ITM2C: variants seen among roughly 807,000 people sequenced by gnomAD.
ITM2C encodes the protein integral membrane protein 2C.
Under a neutral mutation model 30.0 loss-of-function variants are expected in ITM2C, and 20 were observed. The ratio of observed to expected loss-of-function variants is 0.67; its 90% CI spans 0.47 to 0.97. The LOEUF is 0.97. ITM2C is among the 50% of genes least tolerant of loss of function. The probability of loss-of-function intolerance (pLI) is 0.00; values close to 1 mark genes in which losing one functional copy is unlikely to be tolerated. For synonymous variants in ITM2C, 167 were observed against 156.4 expected, an observed-to-expected ratio of 1.07 and a Z score of -0.51; for missense variants, 366 against 371.9, an observed-to-expected ratio of 0.98 and a Z score of 0.13.
Position 230,876,892 on chromosome 2 carries a change from G to T in ITM2C, c.486G>T (p.Lys162Asn). The T allele has an allele frequency of 1.2e-6, 2 of 1,614,052 alleles. No individual in the cohort carries two copies. The highest frequency in any genetic ancestry group is 8.5e-7 in the Non-Finnish European group (1 of 1,179,934). Reference protein sequence around the residue: ...LTAYHDISLDKCYVIELNTTI... With the variant: ...LTAYHDISLDNCYVIELNTTI... ...CGTACCATGATATCTCCCTGGACAA[G>T]TGCTATGTCATCGAACTCAACACCA... Residue 162 changes from lysine to asparagine, a missense_variant, in exon 4 of 6, where the codon AAG becomes AAT. By Grantham distance (94) the Lys-to-Asn change is moderately conservative. Coordinates refer to ENST00000326427, the MANE Select transcript of ITM2C (RefSeq NM_030926.6).
intron 1 of ITM2C, among the ~76,000 whole-genome samples, chr2:230,867,997 T>TCGGTGAACAGATGATTGTG (rs6147222): frequency 6.6e-6 from 1 of 151,110 alleles, no homozygotes; most frequent in African/African-American, 2.4e-5. Flanking sequence ...GGAGGAGCAC[T>TCGGTGAACAGATGATTGTG]CGGTGAACAG....
In ITM2C at chr2:230,877,876, CA is replaced by C; in HGVS notation, c.713-131del. ...CAGCTTTCGAGCTCTCCCCATTTCT[CA>C]CTGTGCTCTTTGGGTGAATCTGGGT... On this transcript the variant is annotated intron_variant, in intron 5 of 5. Coordinates refer to ENST00000326427, the MANE Select transcript of ITM2C (RefSeq NM_030926.6). This position sits in a 1 kb window ranked among gnomAD's most constrained non-coding sequence, Gnocchi z 4.8. 1.4e-6 allele frequency: 1 copy of C among 730,916 alleles called. No homozygotes were observed. The highest frequency in any genetic ancestry group is 2.3e-6 in the Non-Finnish European group (1 of 436,538). 45.3% of individuals were successfully genotyped at this position (730,916 alleles called of 1,614,324 possible).
chr2:230,874,436 A>G (rs1165760397), intron 2 of ITM2C, among the ~76,000 whole-genome samples: 2 of 151,882 alleles, frequency 1.3e-5, no homozygotes, highest in Non-Finnish European at 2.9e-5. Flanking sequence ...ACCTTCCCAC[A>G]GGCCTCTTCC....
At chr2:230,874,799 GA>G (rs1697250222) in intron 2 of ITM2C, among the ~76,000 whole-genome samples, 1 of 152,242 alleles carries the variant, frequency 6.6e-6, no homozygotes, top group African/African-American at 2.4e-5. Context: ...GCCCCCTCCA[GA>G]AGTAAGAGTG....
intron 1 of ITM2C, among the ~76,000 whole-genome samples, chr2:230,866,123 G>T (rs933337409): frequency 6.6e-6 from 1 of 152,238 alleles, no homozygotes; most frequent in Non-Finnish European, 1.5e-5. Flanking sequence ...GACAGGGAGG[G>T]AGGGAGAGCT....
rs555929542 is a variant in ITM2C, at chr2:230,868,180, C to T, written c.120+3035C>T. Among the ~76,000 whole-genome samples, 116 of 151,826 alleles carry T rather than the reference C, an allele frequency of 7.6e-4. 1 individual carries two copies. The highest frequency in any genetic ancestry group is 2.8e-3 in the African/African-American group (114 of 41,392). On this transcript the variant is annotated intron_variant, in intron 1 of 5. Coordinates refer to ENST00000326427, the MANE Select transcript of ITM2C (RefSeq NM_030926.6). ...CACAAGGAGGATTTTGTCTGTGGACCTGAGACTGGAAGGAAGTGCCTCAGT... is the reference window on the plus strand; with the variant it reads ...CACAAGGAGGATTTTGTCTGTGGACTTGAGACTGGAAGGAAGTGCCTCAGT...
rs756677051 is a variant in ITM2C at position 230,877,358 on chromosome 2, C to T, written c.562-42C>T. On this transcript the variant is annotated intron_variant, in intron 4 of 5. Transcript: ENST00000326427. The surrounding 1 kb of genome is among the most constrained non-coding windows in gnomAD (Gnocchi z 4.8). ...TTTCGGGCGAGGGGTTGGACGAAAGCCTGAGGGGCCGACTCACTGTGGCGG... is the reference window on the plus strand; with the variant it reads ...TTTCGGGCGAGGGGTTGGACGAAAGTCTGAGGGGCCGACTCACTGTGGCGG... 6.2e-7 allele frequency: 1 copy of T among 1,605,810 alleles called. No homozygotes were observed. The highest frequency in any genetic ancestry group is 1.1e-5 in the South Asian group (1 of 90,456).
Position 230,878,189 on chromosome 2 carries a change from T to C in ITM2C, c.*90T>C. 1.1e-6 allele frequency: 1 copy of C among 903,292 alleles called. No homozygotes were observed. The highest frequency in any genetic ancestry group is 2.9e-5 in the Admixed American group (1 of 34,610). 56.0% of individuals were successfully genotyped at this position (903,292 alleles called of 1,614,324 possible). A position where few individuals can be genotyped will look rare whatever the true frequency, so the allele number is the denominator to read the frequency against. On this transcript the variant is annotated 3_prime_UTR_variant, in exon 6 of 6. Coordinates refer to ENST00000326427, the MANE Select transcript of ITM2C (RefSeq NM_030926.6). This position sits in a 1 kb window ranked among gnomAD's most constrained non-coding sequence, Gnocchi z 4.5. The stretch of plus-strand genomic sequence containing the variant: ...CTCCTCCTTCCCCCTGCTTAGCTTG[T>C]ACTTTGGACGCGTTTCTATAGAGGT...
intron 1 of ITM2C, among the ~76,000 whole-genome samples, chr2:230,869,422 GCT>G (rs1181376409): frequency 1.3e-5 from 2 of 152,162 alleles, no homozygotes; most frequent in Admixed American, 1.3e-4. Flanking sequence ...CCCCAGCTAG[GCT>G]CTGTCTTGAA....
In ITM2C at chr2:230,877,524, G is replaced by A. The variant is rs746662999; in HGVS notation, c.686G>A (p.Arg229Gln). The A allele has an allele frequency of 5.5e-5, 88 of 1,613,704 alleles. No individual in the cohort carries two copies. The highest frequency in any genetic ancestry group is 6.7e-5 in the Non-Finnish European group (79 of 1,180,020). Residue 229 changes from arginine to glutamine, a missense_variant, in exon 5 of 6, where the codon CGG (arginine) becomes CAG (glutamine). Physicochemically the swap from Arg to Gln is conservative, Grantham distance 43. Coordinates refer to ENST00000326427, the MANE Select transcript of ITM2C (RefSeq NM_030926.6). This position sits in a 1 kb window ranked among gnomAD's most constrained non-coding sequence, Gnocchi z 4.8. ...CTGTGCAACGGGAAAGACACCTACCGGCTCCGGCGCCGGGCAACGCGGAGG... is the reference window on the plus strand; with the variant it reads ...CTGTGCAACGGGAAAGACACCTACCAGCTCCGGCGCCGGGCAACGCGGAGG... ...YHLCNGKDTY[R>Q]LRRRATRRRI...
chr2:230,868,086 G>A (rs972780640), intron 1 of ITM2C, among the ~76,000 whole-genome samples: 2 of 151,968 alleles, frequency 1.3e-5, no homozygotes, highest in Admixed American at 1.3e-4. Flanking sequence ...GGGCGGGGTG[G>A]GGGCAGGGTG....
chr2:230,877,065 A>C lies in ITM2C; in HGVS notation c.561+98A>C. 1 of 899,412 alleles carries C rather than the reference A, an allele frequency of 1.1e-6. No individual in the cohort carries two copies. The highest frequency in any genetic ancestry group is 1.8e-6 in the Non-Finnish European group (1 of 555,846). 55.7% of individuals were successfully genotyped at this position (899,412 alleles called of 1,614,324 possible). ...CTGAGGTACAGGAAGTTCCTGTGTC[A>C]GGGGTTGGGGGAGCAAGAGACATTG... On this transcript the variant is annotated intron_variant, in intron 4 of 5. Transcript: ENST00000326427. The surrounding 1 kb of genome is among the most constrained non-coding windows in gnomAD (Gnocchi z 4.8).
Position 230,878,102 on chromosome 2 carries a change from C to G in ITM2C, c.*3C>G. The G allele has an allele frequency of 6.4e-7, 1 of 1,570,808 alleles. No homozygotes were observed. ...CGCTCATCTGCGGGGTGGTGTGAGG[C>G]CCTCCTCCCCCAGAACCCCCTGCCG... On this transcript the variant is annotated 3_prime_UTR_variant, in exon 6 of 6. Coordinates refer to ENST00000326427, the MANE Select transcript of ITM2C (RefSeq NM_030926.6). The surrounding 1 kb of genome is among the most constrained non-coding windows in gnomAD (Gnocchi z 4.5).
chr2:230,872,497 G>A (rs1697190557), intron 1 of ITM2C, among the ~76,000 whole-genome samples: 1 of 152,208 alleles, frequency 6.6e-6, no homozygotes, highest in Admixed American at 6.5e-5. Context: ...GCCTGGAGAT[G>A]GGTTAGGTTG....
intron 1 of ITM2C, among the ~76,000 whole-genome samples, chr2:230,866,537 A>G (rs1025381848): frequency 2.6e-5 from 4 of 152,174 alleles, no homozygotes; most frequent in African/African-American, 9.7e-5. Flanking sequence ...GCTCAGAGCC[A>G]CAAGAGTTCA....
intron 3 of ITM2C, among the ~76,000 whole-genome samples, chr2:230,876,095 T>G (rs1227661989): frequency 2.6e-5 from 4 of 152,158 alleles, no homozygotes; most frequent in African/African-American, 4.8e-5. Context: ...ATCGAGTGCA[T>G]TGCGTGTACA....
chr2:230,867,905 C>T (rs1187067118), intron 1 of ITM2C, among the ~76,000 whole-genome samples: 2 of 152,154 alleles, frequency 1.3e-5, no homozygotes, highest in Non-Finnish European at 2.9e-5. Flanking sequence ...GTGATCTTCC[C>T]ACCTCAGCCT....
At position 230,865,234 on chromosome 2, in the gene ITM2C, C is replaced by A; in HGVS notation, c.120+89C>A. 1 of 1,247,868 alleles carries A rather than the reference C, an allele frequency of 8.0e-7. No individual in the cohort carries two copies. The highest frequency in any genetic ancestry group is 1.0e-6 in the Non-Finnish European group (1 of 981,664). 77.3% of individuals were successfully genotyped at this position (1,247,868 alleles called of 1,614,324 possible). A position where few individuals can be genotyped will look rare whatever the true frequency, so the allele number is the denominator to read the frequency against. ...CGTCGGCCCTGGGGACTGCCCGAGGCGCGTCAGGGCCCCAGAGCCCGGGGT... is the reference window on the plus strand; with the variant it reads ...CGTCGGCCCTGGGGACTGCCCGAGGAGCGTCAGGGCCCCAGAGCCCGGGGT... On this transcript the variant is annotated intron_variant, in intron 1 of 5. Transcript: ENST00000326427. This position sits in a 1 kb window ranked among gnomAD's most constrained non-coding sequence, Gnocchi z 6.8.
chr2:230,871,012 G>A (rs1421006906), intron 1 of ITM2C, among the ~76,000 whole-genome samples: 1 of 152,228 alleles, frequency 6.6e-6, no homozygotes, highest in African/African-American at 2.4e-5. Context: ...AAAAGGAAAG[G>A]CTCGGCTGAT....
Sources: allele counts gnomAD v4.1 joint callset (sites outside exome capture counted in the v4.1 genomes callset), GRCh38; gene constraint gnomAD v4.1.1; non-coding constraint Gnocchi (gnomAD v3.1); transcripts MANE v1.5; gene names NCBI Gene and HGNC (gene_info 2026-07-23, HGNC 2026-07-21).